The following GNA14 variants were observed in gnomAD, a reference collection of about 807,000 sequenced individuals.
GNA14 encodes G protein subunit alpha 14.
In GNA14, 50 loss-of-function variants were observed where a neutral mutation model predicts 42.0. That is an observed-to-expected ratio of 1.19 (90% CI 0.95 to 1.51). The LOEUF (loss-of-function observed/expected upper bound fraction) is 1.51, where lower values mean the gene tolerates loss of function less well. GNA14 is among the 40% of genes most tolerant of loss of function. The probability of loss-of-function intolerance (pLI) is 0.00; values close to 1 mark genes in which losing one functional copy is unlikely to be tolerated. For synonymous variants in GNA14, 173 were observed against 163.1 expected (o/e 1.06, Z -0.46); for missense variants, 473 against 446.2 (o/e 1.06, Z -0.54).
At chr9:77,455,407 G>A (rs1210519912) in intron 2 of GNA14, among the ~76,000 whole-genome samples, 1 of 152,144 alleles carries the variant, frequency 6.6e-6, no homozygotes, top group Non-Finnish European at 1.5e-5. Context: ...ATTACATCGG[G>A]ACTTCACTTT....
At chr9:77,604,312 T>A (rs1312678669) in intron 1 of GNA14, among the ~76,000 whole-genome samples, 3 of 152,072 alleles carry the variant, frequency 2.0e-5, no homozygotes, top group Non-Finnish European at 4.4e-5. Flanking sequence ...AACTATCCGG[T>A]AGAGATAGAG....
At chr9:77,529,932 T>G (rs561772102) in intron 1 of GNA14, among the ~76,000 whole-genome samples, 1 of 152,208 alleles carries the variant, frequency 6.6e-6, no homozygotes, top group African/African-American at 2.4e-5. Context: ...TTTGAAAAGG[T>G]AGTAAAAGTT....
chr9:77,597,807 T>A (rs2117906359), intron 1 of GNA14, among the ~76,000 whole-genome samples: 1 of 152,016 alleles, frequency 6.6e-6, no homozygotes, highest in African/African-American at 2.4e-5. Context: ...ACGCCTATAA[T>A]CCATCCCAGC....
chr9:77,518,035 A>G (rs537374312), intron 2 of GNA14: 3 of 152,350 alleles, frequency 2.0e-5, no homozygotes, highest in Non-Finnish European at 2.9e-5. Flanking sequence ...GCCCAATAAA[A>G]GAAGCTTTGG....
chr9:77,519,831 G>A lies in GNA14; in HGVS notation c.309+9238C>T, dbSNP rs143008898. ...TCGAGACCAGCCTGGCCAACATGGC[G>A]AAACCGTATCTCTACTAAAAATACA... On this transcript the variant is annotated intron_variant, in intron 2 of 6. Coordinates refer to ENST00000341700, the MANE Select transcript of GNA14 (RefSeq NM_004297.4). 2.0e-4 allele frequency among the ~76,000 whole-genome samples: 31 copies of A among 152,156 alleles called. No homozygotes were observed. The East Asian group carries it at 4.5e-3, about 22-fold the overall frequency.
intron 2 of GNA14, among the ~76,000 whole-genome samples, chr9:77,470,857 G>A (rs903925419): frequency 3.3e-5 from 5 of 152,114 alleles, no homozygotes; most frequent in Non-Finnish European, 5.9e-5. Context: ...GAGAGCCAAG[G>A]GAGAAGTGCC....
chr9:77,588,265 T>G (rs1010479448), intron 1 of GNA14, among the ~76,000 whole-genome samples: 1 of 152,206 alleles, frequency 6.6e-6, no homozygotes, highest in Non-Finnish European at 1.5e-5. Context: ...CACCACACCC[T>G]GACACCCCTT....
chr9:77,637,195 T>C lies in GNA14; in HGVS notation c.124+10475A>G, dbSNP rs182296496. 5.9e-5 allele frequency among the ~76,000 whole-genome samples: 9 copies of C among 152,346 alleles called. No individual in the cohort carries two copies. The East Asian group carries it at 1.7e-3, about 29-fold the overall frequency. On this transcript the variant is annotated intron_variant, in intron 1 of 6. Transcript: ENST00000341700. ...TAAGAGGTACTGGGTCATGAACTAA[T>C]CAGATTTCTGCTGGCTTGAACTTTC...
At chr9:77,551,865 C>T (rs62573412) in intron 1 of GNA14, among the ~76,000 whole-genome samples, 17,276 of 151,800 alleles carry the variant, frequency 0.11, 1,084 homozygotes, top group African/African-American at 0.16. Flanking sequence ...TTTGGCCAGG[C>T]GCGGTAGCTC....
At chr9:77,618,832 A>G (rs1823875978) in intron 1 of GNA14, among the ~76,000 whole-genome samples, 1 of 148,298 alleles carries the variant, frequency 6.7e-6, no homozygotes, top group Non-Finnish European at 1.5e-5. Context: ...ACGGGGTTTC[A>G]CCGTTTTAGC....
chr9:77,493,022 A>ATATAT (rs1183078215), intron 2 of GNA14, among the ~76,000 whole-genome samples: 348 of 74,658 alleles, frequency 4.7e-3, no homozygotes, highest in African/African-American at 0.01. Flanking sequence ...AAAAAAAAAA[A>ATATAT]AAAAATATAT....
rs144190925 is a variant in GNA14 at position 77,596,477 on chromosome 9, C to T, written c.124+51193G>A. ...TAACAAAGGTTCTTGCTGTACCCTA[C>T]GCCTCCTCGCCTACACCTCCCTCCT... On this transcript the variant is annotated intron_variant, in intron 1 of 6. Coordinates refer to ENST00000341700, the MANE Select transcript of GNA14 (RefSeq NM_004297.4). Among the ~76,000 whole-genome samples the T allele has an allele frequency of 3.6e-4, 55 of 151,454 alleles. No individual in the cohort carries two copies. The East Asian group carries it at 8.6e-3, about 24-fold the overall frequency.
chr9:77,639,854 C>T (rs1824231837), intron 1 of GNA14, among the ~76,000 whole-genome samples: 1 of 152,220 alleles, frequency 6.6e-6, no homozygotes, highest in African/African-American at 2.4e-5. Context: ...ATTTACCCAT[C>T]AGCAGAGAGC....
At chr9:77,580,808 C>A (rs1253079417) in intron 1 of GNA14, among the ~76,000 whole-genome samples, 1 of 152,152 alleles carries the variant, frequency 6.6e-6, no homozygotes, top group African/African-American at 2.4e-5. Context: ...ACTAGTTGCA[C>A]CTGATGAGAG....
At chr9:77,493,026 A>AAAATATATATATATATATAT in intron 2 of GNA14, among the ~76,000 whole-genome samples, 1 of 51,712 alleles carries the variant, frequency 1.9e-5, no homozygotes, top group Non-Finnish European at 3.3e-5. Flanking sequence ...AAAAAAAAAA[A>AAAATATATATATATATATAT]ATATATATAT....
intron 2 of GNA14, among the ~76,000 whole-genome samples, chr9:77,450,388 C>T (rs1010303017): frequency 2.6e-5 from 4 of 152,164 alleles, no homozygotes; most frequent in Non-Finnish European, 2.9e-5. Flanking sequence ...CCATCTCCCT[C>T]TGACCTTCTT....
At chr9:77,647,440 C>T (rs1044438341) in intron 1 of GNA14, among the ~76,000 whole-genome samples, 1 of 152,150 alleles carries the variant, frequency 6.6e-6, no homozygotes, top group Non-Finnish European at 1.5e-5. Flanking sequence ...GGTCCCTATC[C>T]TGTTTTGGGG....
At chr9:77,570,033 G>A (rs1425034095) in intron 1 of GNA14, among the ~76,000 whole-genome samples, 2 of 152,078 alleles carry the variant, frequency 1.3e-5, no homozygotes, top group Non-Finnish European at 2.9e-5. Context: ...CCAAAGTGCT[G>A]GGATTACAGG....
At chr9:77,476,710 G>C (rs565840311) in intron 2 of GNA14, among the ~76,000 whole-genome samples, 1 of 152,348 alleles carries the variant, frequency 6.6e-6, no homozygotes, top group South Asian at 2.1e-4. Context: ...AACTATTGTG[G>C]AGGAGTAACA....
Sources: allele counts gnomAD v4.1 joint callset (sites outside exome capture counted in the v4.1 genomes callset), GRCh38; gene constraint gnomAD v4.1.1; transcripts MANE v1.5; gene names NCBI Gene and HGNC (gene_info 2026-07-23, HGNC 2026-07-21).